The following POLDIP3 variants were observed in gnomAD, a reference collection of about 807,000 sequenced individuals.
The protein encoded by POLDIP3 is polymerase delta-interacting protein 3.
A neutral mutation model predicts 45.1 loss-of-function variants in POLDIP3; 14 were observed. The ratio of observed to expected loss-of-function variants is 0.31; its 90% CI spans 0.20 to 0.49. POLDIP3 has a LOEUF of 0.49. POLDIP3 is among the 20% of genes least tolerant of loss of function. The pLI, the probability that POLDIP3 is intolerant of heterozygous loss-of-function variation, is 0.99. For missense variants in POLDIP3, 511 were observed against 538.8 expected, an observed-to-expected ratio of 0.95 and a Z score of 0.51; for synonymous variants, 223 against 205.2, an observed-to-expected ratio of 1.09 and a Z score of -0.74.
In POLDIP3 at chr22:42,596,187, T is replaced by C. The variant is rs1468800561; in HGVS notation, c.812A>G (p.Glu271Gly). Residue 271 changes from glutamate (E) to glycine (G), a missense_variant and splice_region_variant, in exon 5 of 9, where the codon GAG (glutamate) becomes GGG (glycine). Glu to Gly is a moderately conservative substitution (Grantham distance 98). Coordinates refer to ENST00000252115, the MANE Select transcript of POLDIP3 (RefSeq NM_032311.5). ...EEPPKELPAA[E>G]PVLSPLEGTK... ...CTGCAGTCACCACCATCACCTCACC[T>C]CAGCAGCTGGCAGCTCTTTGGGGGG... 6.2e-7 allele frequency: 1 copy of C among 1,613,942 alleles called. No homozygotes were observed. Among genetic ancestry groups the C allele is most frequent in the South Asian group, 1.1e-5 (1 of 91,068 alleles).
chr22:42,587,818 A>G (rs1925409187), intron 7 of POLDIP3, among the ~76,000 whole-genome samples: 1 of 152,224 alleles, frequency 6.6e-6, no homozygotes, highest in African/African-American at 2.4e-5. Context: ...TCATACAGGA[A>G]GAGATGAGTG....
intron 1 of POLDIP3, among the ~76,000 whole-genome samples, chr22:42,609,371 G>GC (rs1926978341): frequency 6.6e-6 from 1 of 152,194 alleles, no homozygotes; most frequent in African/African-American, 2.4e-5. Flanking sequence ...CGAGGTCCTG[G>GC]CAAGAGCGCT....
chr22:42,584,370 G>A lies in POLDIP3; in HGVS notation c.*1421C>T, dbSNP rs1185059679. The A allele has an allele frequency of 1.3e-5, 2 of 159,622 alleles. No homozygotes were observed. The highest frequency in any genetic ancestry group is 2.8e-5 in the Non-Finnish European group (2 of 71,886). 9.9% of individuals were successfully genotyped at this position (159,622 alleles called of 1,614,324 possible). A position where few individuals can be genotyped will look rare whatever the true frequency, so the allele number is the denominator to read the frequency against. ...TGGGTTCAAATCCTGGGTCCTTCCT[G>A]CCTGACAGACTGACCCCTGGAAACA... On this transcript the variant is annotated 3_prime_UTR_variant, in exon 9 of 9. Coordinates refer to ENST00000252115, the MANE Select transcript of POLDIP3 (RefSeq NM_032311.5).
chr22:42,592,193 C>CT, intron 6 of POLDIP3, 109 bp from the exon 7 acceptor site: 1 of 1,516,994 alleles, frequency 6.6e-7, no homozygotes. Flanking sequence ...TAAATGCGCC[C>CT]TGCGCCTGAG....
intron 6 of POLDIP3, 35 bp from the exon 7 acceptor site, chr22:42,592,119 G>A (rs752921274): frequency 1.2e-6 from 2 of 1,612,610 alleles, no homozygotes; most frequent in Admixed American, 1.7e-5. Flanking sequence ...ATTGGGGAAG[G>A]ATTTCTCAGC....
intron 3 of POLDIP3, among the ~76,000 whole-genome samples, chr22:42,601,632 G>C (rs572310218): frequency 7.2e-5 from 11 of 152,152 alleles, no homozygotes; most frequent in Middle Eastern, 3.4e-3. Context: ...GTGGTGGTAC[G>C]CGCCTGTAGT....
At chr22:42,602,239 C>T (rs973145255) in intron 2 of POLDIP3, 183 bp from the exon 3 acceptor site, 17 of 952,478 alleles carry the variant, frequency 1.8e-5, no homozygotes, top group East Asian at 1.6e-4. Flanking sequence ...GAGACCATGC[C>T]GGTAACGCAC....
chr22:42,603,287 T>A, intron 1 of POLDIP3, 127 bp from the exon 2 acceptor site: 1 of 961,350 alleles, frequency 1.0e-6, no homozygotes, highest in Non-Finnish European at 1.5e-6. Context: ...TCCTTGCCTG[T>A]GATTGAATAA....
Position 42,595,611 on chromosome 22 carries a change from C to G in POLDIP3, c.817G>C (p.Val273Leu), listed in dbSNP as rs1234636827. ...TTGGTGCCTTCCAATGGGCTGAGAA[C>G]AGGCTGCCACACAGACAAGAGCATT... ...PPKELPAAEPVLSPLEGTKMT... is the reference protein window; with the variant it reads ...PPKELPAAEPLLSPLEGTKMT... The change falls in exon 6 of 9, where the codon GTT (valine) becomes CTT (leucine). Residue 273 changes from valine to leucine, a missense_variant. Coordinates refer to ENST00000252115, the MANE Select transcript of POLDIP3 (RefSeq NM_032311.5). 1 of 1,613,618 alleles carries G rather than the reference C, an allele frequency of 6.2e-7. No individual in the cohort carries two copies. Among genetic ancestry groups the G allele is most frequent in the African/African-American group, 1.3e-5 (1 of 74,916 alleles).
chr22:42,603,198 G>T (rs754950850), intron 1 of POLDIP3, 38 bp from the exon 2 acceptor site: 26 of 1,597,204 alleles, frequency 1.6e-5, no homozygotes, highest in Non-Finnish European at 1.8e-5. Flanking sequence ...AAGTGGATCT[G>T]GGTATCTACA....
In POLDIP3 at chr22:42,584,834, A is replaced by G. The variant is rs1010381505; in HGVS notation, c.*957T>C. On this transcript the variant is annotated 3_prime_UTR_variant, in exon 9 of 9. Transcript: ENST00000252115. ...CAGGCATCCCTGACCACTGTCCTGT[A>G]GACAACTGAGGCCAGAAATGGAGAG... 3 of 453,668 alleles carry G rather than the reference A, an allele frequency of 6.6e-6. No individual in the cohort carries two copies. Among genetic ancestry groups the G allele is most frequent in the African/African-American group, 6.0e-5 (3 of 49,842 alleles). 28.1% of individuals were successfully genotyped at this position (453,668 alleles called of 1,614,324 possible). A position where few individuals can be genotyped will look rare whatever the true frequency, so the allele number is the denominator to read the frequency against.
At chr22:42,599,221 G>C (rs556502308) in intron 4 of POLDIP3, among the ~76,000 whole-genome samples, 1 of 152,336 alleles carries the variant, frequency 6.6e-6, no homozygotes, top group East Asian at 1.9e-4. Flanking sequence ...AGGCACCCCA[G>C]TGTCTCAGCG....
At chr22:42,594,348 T>C (rs1018305855) in intron 6 of POLDIP3, among the ~76,000 whole-genome samples, 1 of 151,586 alleles carries the variant, frequency 6.6e-6, no homozygotes, top group Non-Finnish European at 1.5e-5. Context: ...CTGCCTCTAC[T>C]GAAAATACAA....
rs1301107177 is a variant in POLDIP3, at chr22:42,589,618, T to G, written c.1022-2046A>C. Among the ~76,000 whole-genome samples the G allele has an allele frequency of 3.9e-5, 6 of 152,066 alleles. No individual in the cohort carries two copies. In the East Asian group the frequency reaches 1.2e-3, roughly 29 times the overall value. The stretch of plus-strand genomic sequence containing the variant: ...TGAGGTCAGGACTTCAAAACCAGCC[T>G]GGCCAACATGAGGTCAGGAAATCAA... On this transcript the variant is annotated intron_variant, in intron 7 of 8. Coordinates refer to ENST00000252115, the MANE Select transcript of POLDIP3 (RefSeq NM_032311.5).
intron 2 of POLDIP3, 79 bp from the exon 3 acceptor site, chr22:42,602,135 T>C (rs956184488): frequency 1.2e-6 from 2 of 1,603,256 alleles, no homozygotes; most frequent in South Asian, 1.1e-5. Context: ...CTGAACTTGA[T>C]ACATGGTGGG....
At chr22:42,614,644 G>T (rs934622269) in intron 1 of POLDIP3, among the ~76,000 whole-genome samples, 155 bp downstream of exon 1, 5 of 152,098 alleles carry the variant, frequency 3.3e-5, no homozygotes, top group Non-Finnish European at 7.4e-5. Flanking sequence ...TCGGGGCCAC[G>T]GCGGGGACGG....
At chr22:42,603,512 C>T in intron 1 of POLDIP3, 1 of 225,696 alleles carries the variant, frequency 4.4e-6, no homozygotes, top group South Asian at 6.7e-5. Flanking sequence ...TAATCCCACT[C>T]ATCTGAGGAG....
chr22:42,598,918 C>G (rs929969546), intron 4 of POLDIP3, among the ~76,000 whole-genome samples: 1 of 152,194 alleles, frequency 6.6e-6, no homozygotes, highest in Non-Finnish European at 1.5e-5. Context: ...GATGTCTGAC[C>G]AACACTCTAG....
chr22:42,592,361 C>A (rs749495322), intron 6 of POLDIP3, among the ~76,000 whole-genome samples: 1 of 152,230 alleles, frequency 6.6e-6, no homozygotes, highest in Non-Finnish European at 1.5e-5. Context: ...CAGTGCCCAC[C>A]TCAACAGGGA....
Sources: gnomAD v4.1 joint callset for allele counts (sites outside exome capture counted in the v4.1 genomes callset) on GRCh38, gnomAD v4.1.1 for gene constraint, MANE v1.5 for transcripts, NCBI Gene and HGNC (gene_info 2026-07-23, HGNC 2026-07-21) for gene names.